The following TSPAN9 variants were observed in gnomAD, a reference collection of about 807,000 sequenced individuals.
TSPAN9 encodes tetraspanin 9.
In TSPAN9, 16 loss-of-function variants were observed where a neutral mutation model predicts 31.0. The ratio of observed to expected loss-of-function variants is 0.52; its 90% CI spans 0.35 to 0.78. The LOEUF (loss-of-function observed/expected upper bound fraction) is 0.78. Among genes scored for constraint, TSPAN9 ranks in the 30% least tolerant of loss-of-function variants. The pLI is 0.01. For synonymous variants in TSPAN9, 145 were observed against 121.6 expected (o/e 1.19, Z -1.27); for missense variants, 272 against 312.5 (o/e 0.87, Z 0.98).
rs1399864188 is a variant in TSPAN9, at chr12:3,283,850, T to G, written c.*734T>G. 1 of 152,532 alleles carries G rather than the reference T, an allele frequency of 6.6e-6. No individual in the cohort carries two copies. The highest frequency in any genetic ancestry group is 1.5e-5 in the Non-Finnish European group (1 of 68,176). The allele number at this position is 152,532 out of a possible 1,614,324, so 9.4% of individuals were successfully genotyped here. A position where few individuals can be genotyped will look rare whatever the true frequency, so the allele number is the denominator to read the frequency against. ...TCTCGGATGGGGCGCGCCTGCGCCC[T>G]CAGAACGTGTGGGAAGGAGGGGGCG... On this transcript the variant is annotated 3_prime_UTR_variant, in exon 9 of 9. Transcript: ENST00000011898.
rs2098361999 is a variant in TSPAN9 at position 3,187,446 on chromosome 12, G to A, written c.-17-13731G>A. Among the ~76,000 whole-genome samples, 1 of 152,184 alleles carries A rather than the reference G, an allele frequency of 6.6e-6. No individual in the cohort carries two copies. Among genetic ancestry groups the A allele is most frequent in the Non-Finnish European group, 1.5e-5 (1 of 68,040 alleles). On this transcript the variant is annotated intron_variant, in intron 2 of 8. Coordinates refer to ENST00000011898, the MANE Select transcript of TSPAN9 (RefSeq NM_006675.5). The surrounding 1 kb of genome is among the most constrained non-coding windows in gnomAD (Gnocchi z 5.2). ...GGCCAGCTTCGTCCATAAAAGCAGGGCCCAGCACTGGACCCAGGTAAGGCC... is the reference window on the plus strand; with the variant it reads ...GGCCAGCTTCGTCCATAAAAGCAGGACCCAGCACTGGACCCAGGTAAGGCC...
At chr12:3,268,172 T>TGCCCTCCGTGCGTTCCCGC (rs1363782999) in intron 3 of TSPAN9, among the ~76,000 whole-genome samples, 1 of 148,634 alleles carries the variant, frequency 6.7e-6, no homozygotes, top group South Asian at 2.2e-4. Flanking sequence ...TCCTGCAGCC[T>TGCCCTCCGTGCGTTCCCGC]ACCCTCCGTG....
intron 1 of TSPAN9, among the ~76,000 whole-genome samples, chr12:3,080,357 A>G (rs7314991): frequency 0.41 from 62,513 of 152,022 alleles, 14,904 homozygotes; most frequent in African/African-American, 0.67. Context: ...TGTTTTTGAG[A>G]TGGAGTCTCA....
intron 3 of TSPAN9, among the ~76,000 whole-genome samples, chr12:3,256,581 A>G (rs546734465): frequency 1.1e-4 from 16 of 152,270 alleles, no homozygotes; most frequent in Admixed American, 5.2e-4. Context: ...GGAGGGCCGG[A>G]TGAGGTTAAA....
At chr12:3,238,485 C>T (rs936145830) in intron 3 of TSPAN9, among the ~76,000 whole-genome samples, 3 of 152,152 alleles carry the variant, frequency 2.0e-5, no homozygotes, top group East Asian at 1.9e-4. Context: ...TTATTAGGTC[C>T]GGCTCCTTCT....
chr12:3,172,550 G>A lies in TSPAN9; in HGVS notation c.-17-28627G>A, dbSNP rs919987970. On this transcript the variant is annotated intron_variant, in intron 2 of 8. Coordinates refer to ENST00000011898, the MANE Select transcript of TSPAN9 (RefSeq NM_006675.5). The surrounding 1 kb of genome is among the most constrained non-coding windows in gnomAD (Gnocchi z 4.8). ...CCCTAGCGCATAGAATCATAACCGC[G>A]GGGGTCTGGTCTGGGGTGTTTTCAC... The A allele has an allele frequency of 3.3e-5, 5 of 152,180 alleles. No homozygotes were observed. Among genetic ancestry groups the A allele is most frequent in the East Asian group, 3.9e-4 (2 of 5,186 alleles). 9.4% of individuals were successfully genotyped at this position (152,180 alleles called of 1,614,324 possible).
intron 2 of TSPAN9, among the ~76,000 whole-genome samples, chr12:3,090,297 A>G (rs572228581): frequency 6.6e-6 from 1 of 152,300 alleles, no homozygotes; most frequent in South Asian, 2.1e-4. Context: ...ACCCCAAAAT[A>G]TAGTGGATTA....
chr12:3,148,819 C>T (rs2098338548), intron 2 of TSPAN9, among the ~76,000 whole-genome samples: 1 of 152,220 alleles, frequency 6.6e-6, no homozygotes. Context: ...TGTCCACCTC[C>T]CAGCCTCCCC....
At chr12:3,255,063 C>T (rs867283673) in intron 3 of TSPAN9, among the ~76,000 whole-genome samples, 18 of 152,348 alleles carry the variant, frequency 1.2e-4, no homozygotes, top group Middle Eastern at 3.4e-3. Context: ...CTGCTGCAGT[C>T]TTCAGCTCCC....
At chr12:3,145,251 A>T (rs1161611471) in intron 2 of TSPAN9, among the ~76,000 whole-genome samples, 2 of 152,206 alleles carry the variant, frequency 1.3e-5, no homozygotes, top group South Asian at 2.1e-4. Context: ...GCACGTGCAC[A>T]GCTCTCAGTG....
chr12:3,216,234 C>T (rs923649576), intron 3 of TSPAN9, among the ~76,000 whole-genome samples: 1 of 152,178 alleles, frequency 6.6e-6, no homozygotes, highest in Admixed American at 6.5e-5. Context: ...GGGCTATCTG[C>T]CTGTGGGGCT....
intron 2 of TSPAN9, among the ~76,000 whole-genome samples, chr12:3,132,479 G>T (rs2098330242): frequency 6.6e-6 from 1 of 151,808 alleles, no homozygotes; most frequent in South Asian, 2.1e-4. Context: ...ATGTGAAGTG[G>T]TATCTTACTG....
chr12:3,251,591 G>A (rs1186290711), intron 3 of TSPAN9, among the ~76,000 whole-genome samples: 1 of 151,930 alleles, frequency 6.6e-6, no homozygotes, highest in African/African-American at 2.4e-5. Flanking sequence ...GATAACCACC[G>A]TTCTGCTTCT....
At chr12:3,175,254 A>G (rs1406444844) in intron 2 of TSPAN9, among the ~76,000 whole-genome samples, 1 of 152,106 alleles carries the variant, frequency 6.6e-6, no homozygotes, top group Non-Finnish European at 1.5e-5. Context: ...GTGGCACGAG[A>G]GCGGTCAGTC....
intron 3 of TSPAN9, among the ~76,000 whole-genome samples, chr12:3,227,710 C>T (rs2098388579): frequency 6.6e-6 from 1 of 152,172 alleles, no homozygotes; most frequent in Non-Finnish European, 1.5e-5. Flanking sequence ...TCCAGTCGGG[C>T]CACGTCCTCT....
At chr12:3,112,644 A>G (rs1183426471) in intron 2 of TSPAN9, among the ~76,000 whole-genome samples, 1 of 120,584 alleles carries the variant, frequency 8.3e-6, no homozygotes, top group Non-Finnish European at 1.8e-5. Flanking sequence ...TTTTACATAT[A>G]TATTTTTTAT....
intron 2 of TSPAN9, among the ~76,000 whole-genome samples, chr12:3,176,821 C>T (rs1161856703): frequency 6.6e-6 from 1 of 152,314 alleles, no homozygotes. Flanking sequence ...CCTGAGTTGC[C>T]TGGTCTTTCC....
intron 2 of TSPAN9, among the ~76,000 whole-genome samples, chr12:3,198,064 C>T (rs1288049899): frequency 3.2e-5 from 2 of 61,752 alleles, no homozygotes; most frequent in African/African-American, 6.5e-5. Context: ...CCAGCACAGG[C>T]CACCACCAGC....
chr12:3,193,945 T>C (rs769323994), intron 2 of TSPAN9, among the ~76,000 whole-genome samples: 1 of 152,244 alleles, frequency 6.6e-6, no homozygotes, highest in Non-Finnish European at 1.5e-5. Flanking sequence ...TGCACTCTTA[T>C]CTGTAGCTGG....
Sources: allele counts gnomAD v4.1 joint callset (sites outside exome capture counted in the v4.1 genomes callset), GRCh38; gene constraint gnomAD v4.1.1; non-coding constraint Gnocchi (gnomAD v3.1); transcripts MANE v1.5; gene names NCBI Gene and HGNC (gene_info 2026-07-23, HGNC 2026-07-21).